FAM89A: variants seen among roughly 807,000 people sequenced by gnomAD.
The protein encoded by FAM89A is family with sequence similarity 89 member A, also known as protein FAM89A.
In FAM89A, 10 loss-of-function variants were observed where a neutral mutation model predicts 7.1. That is an observed-to-expected ratio of 1.40 (90% confidence interval 0.86 to 2.38). The LOEUF (loss-of-function observed/expected upper bound fraction) is 2.38. Among genes scored for constraint, FAM89A ranks in the 30% most tolerant of loss-of-function variants. The probability of loss-of-function intolerance (pLI) is 0.00; values close to 1 mark genes in which losing one functional copy is unlikely to be tolerated. For missense variants in FAM89A, 276 were observed against 262.8 expected, an observed-to-expected ratio of 1.05 and a Z score of -0.35; for synonymous variants, 157 against 129.3, an observed-to-expected ratio of 1.21 and a Z score of -1.45.
chr1:231,040,225 G>A lies in FAM89A; in HGVS notation c.-14C>T. The A allele has an allele frequency of 9.6e-7, 1 of 1,043,778 alleles. No homozygotes were observed. Among genetic ancestry groups the A allele is most frequent in the South Asian group, 4.4e-5 (1 of 22,658 alleles). 64.7% of individuals were successfully genotyped at this position (1,043,778 alleles called of 1,614,324 possible). ...GGCCCCACTCATCGCGCCGCGGCCC[G>A]GCCACGCGCCTGCCCCGCTGCAGCG... On this transcript the variant is annotated 5_prime_UTR_variant, in exon 1 of 2. Transcript: ENST00000366654.
chr1:231,031,633 T>C (rs1304355081), intron 1 of FAM89A, among the ~76,000 whole-genome samples: 1 of 152,222 alleles, frequency 6.6e-6, no homozygotes, highest in African/African-American at 2.4e-5. Flanking sequence ...GACCACACTT[T>C]GAAACTGTGG....
At chr1:231,032,471 G>A (rs977578995) in intron 1 of FAM89A, among the ~76,000 whole-genome samples, 2 of 147,006 alleles carry the variant, frequency 1.4e-5, no homozygotes, top group African/African-American at 5.0e-5. Flanking sequence ...TTCTACCTTT[G>A]TCAGTCTTGG....
intron 1 of FAM89A, chr1:231,028,739 C>A (rs945484645): frequency 7.9e-5 from 12 of 152,278 alleles, no homozygotes; most frequent in Non-Finnish European, 1.6e-4. Context: ...TGGCCGTAAA[C>A]TGCGAGCGCA....
In FAM89A at chr1:231,037,247, C is replaced by A. The variant is rs536701452; in HGVS notation, c.291+2674G>T. Among the ~76,000 whole-genome samples the A allele has an allele frequency of 3.9e-5, 6 of 152,226 alleles. No individual in the cohort carries two copies. In the East Asian group the frequency reaches 1.2e-3, roughly 29 times the overall value. ...GTATCTATCTCATGGAGAATTTATACCATTAAATAAGATACTATATAGAAA... is the reference window on the plus strand; with the variant it reads ...GTATCTATCTCATGGAGAATTTATAACATTAAATAAGATACTATATAGAAA... On this transcript the variant is annotated intron_variant, in intron 1 of 1. Coordinates refer to ENST00000366654, the MANE Select transcript of FAM89A (RefSeq NM_198552.3).
chr1:231,037,316 A>C (rs1680172940), intron 1 of FAM89A, among the ~76,000 whole-genome samples: 1 of 152,198 alleles, frequency 6.6e-6, no homozygotes, highest in East Asian at 1.9e-4. Context: ...AAATACTAAA[A>C]GTGATTATTT....
chr1:231,033,359 G>T (rs988509727), intron 1 of FAM89A, among the ~76,000 whole-genome samples: 19 of 152,210 alleles, frequency 1.2e-4, no homozygotes, highest in African/African-American at 4.3e-4. Flanking sequence ...TTTCAAAGTG[G>T]GGTCTAAAGT....
At chr1:231,025,815 A>G (rs895882522) in intron 1 of FAM89A, among the ~76,000 whole-genome samples, 1 of 152,028 alleles carries the variant, frequency 6.6e-6, no homozygotes, top group African/African-American at 2.4e-5. Context: ...AAAATAAATA[A>G]ATAATACAAA....
intron 1 of FAM89A, among the ~76,000 whole-genome samples, chr1:231,033,686 A>G (rs1325367145): frequency 6.6e-6 from 1 of 152,232 alleles, no homozygotes; most frequent in African/African-American, 2.4e-5. Flanking sequence ...CCTTTAAACA[A>G]AAGGGAAAAA....
chr1:231,034,022 C>T (rs1204049900), intron 1 of FAM89A, among the ~76,000 whole-genome samples: 4 of 152,118 alleles, frequency 2.6e-5, no homozygotes, highest in African/African-American at 9.7e-5. Context: ...GGGACAAGTA[C>T]AGGGTAGCAG....
intron 1 of FAM89A, among the ~76,000 whole-genome samples, chr1:231,027,935 A>C (rs2103073127): frequency 6.6e-6 from 1 of 152,362 alleles, no homozygotes. Flanking sequence ...ATCGGTGTGC[A>C]CACAGGTCTT....
Position 231,040,049 on chromosome 1 carries a change from C to A in FAM89A, c.163G>T (p.Ala55Ser), listed in dbSNP as rs1267941841. 1 of 1,446,866 alleles carries A rather than the reference C, an allele frequency of 6.9e-7. No individual in the cohort carries two copies. Among genetic ancestry groups the A allele is most frequent in the African/African-American group, 1.5e-5 (1 of 67,966 alleles). 89.6% of individuals were successfully genotyped at this position (1,446,866 alleles called of 1,614,324 possible). A position where few individuals can be genotyped will look rare whatever the true frequency, so the allele number is the denominator to read the frequency against. Residue 55 changes from alanine to serine, a missense_variant, in exon 1 of 2, where the codon GCG becomes TCG. By Grantham distance (99) the Ala-to-Ser change is moderately conservative. Transcript: ENST00000366654. The stretch of plus-strand genomic sequence containing the variant: ...TCGTCCTGGATGCGCGACTTCTGCG[C>A]GTACAGCCGCTCCAGGTGCCGCCAG... The part of the protein sequence containing the change: ...GGWRHLERLY[A>S]QKSRIQDELS...
chr1:231,020,231 A>G lies in FAM89A; in HGVS notation c.292-105T>C, dbSNP rs988626094. The G allele has an allele frequency of 2.4e-5, 28 of 1,181,756 alleles. No homozygotes were observed. In the African/African-American group the frequency reaches 4.2e-4, roughly 18 times the overall value. 73.2% of individuals were successfully genotyped at this position (1,181,756 alleles called of 1,614,324 possible). On this transcript the variant is annotated intron_variant, in intron 1 of 1. Transcript: ENST00000366654. ...CTGCGCCTGCCAGCACATTCCTTCCACACGGCGCATGATTCAGAGCATCAC... is the reference window on the plus strand; with the variant it reads ...CTGCGCCTGCCAGCACATTCCTTCCGCACGGCGCATGATTCAGAGCATCAC...
At chr1:231,032,718 C>T (rs1178901070) in intron 1 of FAM89A, among the ~76,000 whole-genome samples, 1 of 152,142 alleles carries the variant, frequency 6.6e-6, no homozygotes, top group African/African-American at 2.4e-5. Flanking sequence ...CCAAATCACC[C>T]ACCTAAGAAT....
chr1:231,033,956 AAT>A (rs1680116146), intron 1 of FAM89A, among the ~76,000 whole-genome samples: 1 of 152,106 alleles, frequency 6.6e-6, no homozygotes, highest in Middle Eastern at 3.4e-3. Context: ...CACACAAACT[AAT>A]ATATATTCTT....
intron 1 of FAM89A, among the ~76,000 whole-genome samples, chr1:231,033,692 A>G (rs1680112930): frequency 6.6e-6 from 1 of 152,212 alleles, no homozygotes; most frequent in South Asian, 2.1e-4. Context: ...AACAAAAGGG[A>G]AAAAAAGGAG....
chr1:231,022,015 C>G, intron 1 of FAM89A: 1 of 1,331,558 alleles, frequency 7.5e-7, no homozygotes, highest in Non-Finnish European at 1.1e-6. Flanking sequence ...GTCCTATCTG[C>G]ATGGACAGAT....
intron 1 of FAM89A, among the ~76,000 whole-genome samples, chr1:231,027,209 T>C (rs1385143934): frequency 1.3e-5 from 2 of 151,998 alleles, no homozygotes; most frequent in Non-Finnish European, 2.9e-5. Flanking sequence ...TTCCAAGGTA[T>C]TCCCAGGCCC....
intron 1 of FAM89A, among the ~76,000 whole-genome samples, chr1:231,033,024 G>C (rs1680100714): frequency 6.6e-6 from 1 of 152,252 alleles, no homozygotes; most frequent in Admixed American, 6.5e-5. Flanking sequence ...ATGTCTTAAT[G>C]AATTTCTGTA....
At position 231,021,983 on chromosome 1, in the gene FAM89A, A is replaced by T. The variant is rs4394639; in HGVS notation, c.292-1857T>A. 7 of 1,333,708 alleles carry T rather than the reference A, an allele frequency of 5.2e-6. No homozygotes were observed. The Admixed American group carries it at 8.4e-5, about 16-fold the overall frequency. 82.6% of individuals were successfully genotyped at this position (1,333,708 alleles called of 1,614,324 possible). Reference sequence around the variant, plus strand: ...CAGGGATGAGGGCGCTATAGGCCTCAGGCCCTCGGGTACTGTCGGTTGTCC... The same window carrying T: ...CAGGGATGAGGGCGCTATAGGCCTCTGGCCCTCGGGTACTGTCGGTTGTCC... On this transcript the variant is annotated intron_variant, in intron 1 of 1. Coordinates refer to ENST00000366654, the MANE Select transcript of FAM89A (RefSeq NM_198552.3).
Sources: gnomAD v4.1 joint callset for allele counts (sites outside exome capture counted in the v4.1 genomes callset) on GRCh38, gnomAD v4.1.1 for gene constraint, MANE v1.5 for transcripts, NCBI Gene and HGNC (gene_info 2026-07-23, HGNC 2026-07-21) for gene names.